Variants in ASAP1 observed in about 807,000 individuals in gnomAD.
ASAP1 encodes the protein arf-GAP with SH3 domain, ANK repeat and PH domain-containing protein 1.
Under a neutral mutation model 145.2 loss-of-function variants are expected in ASAP1, and 43 were observed. The ratio of observed to expected loss-of-function variants is 0.30; its 90% CI spans 0.23 to 0.38. ASAP1 has a LOEUF of 0.38. Ranked by LOEUF, ASAP1 falls within the 10% of genes least tolerant of loss-of-function variation. The pLI, the probability that ASAP1 is intolerant of heterozygous loss-of-function variation, is 1.00. For synonymous variants in ASAP1, 546 were observed against 515.5 expected (o/e 1.06, Z -0.80); for missense variants, 1,018 against 1,355.3 (o/e 0.75, Z 3.91).
intron 4 of ASAP1, among the ~76,000 whole-genome samples, chr8:130,234,744 A>ATTTT (rs1818111475): frequency 6.7e-6 from 1 of 148,220 alleles, no homozygotes; most frequent in Non-Finnish European, 1.5e-5. Flanking sequence ...GTGGCTGTAA[A>ATTTT]GCAAGGGTCT....
intron 5 of ASAP1, among the ~76,000 whole-genome samples, chr8:130,191,899 C>T (rs543970379): frequency 6.6e-6 from 1 of 152,010 alleles, no homozygotes; most frequent in Non-Finnish European, 1.5e-5. Context: ...TCTTCCTAAC[C>T]CTTTCCTGTT....
chr8:130,164,423 T>A (rs952275932), intron 11 of ASAP1, among the ~76,000 whole-genome samples: 10 of 152,096 alleles, frequency 6.6e-5, no homozygotes, highest in African/African-American at 2.4e-4. Flanking sequence ...AACCCCGGTC[T>A]CTACTAAAAA....
chr8:130,359,840 G>GTC (rs1826623777), intron 2 of ASAP1, among the ~76,000 whole-genome samples: 1 of 151,286 alleles, frequency 6.6e-6, no homozygotes, highest in South Asian at 2.1e-4. Context: ...AGCCAGGATG[G>GTC]TCTCGATCTC....
chr8:130,431,744 G>A (rs2138783746), intron 1 of ASAP1, among the ~76,000 whole-genome samples: 1 of 151,968 alleles, frequency 6.6e-6, no homozygotes, highest in Non-Finnish European at 1.5e-5. Context: ...GAGGTTCCAG[G>A]ATAGCAGAGT....
intron 3 of ASAP1, among the ~76,000 whole-genome samples, chr8:130,348,700 C>G (rs1825831061): frequency 6.6e-6 from 1 of 152,166 alleles, no homozygotes; most frequent in African/African-American, 2.4e-5. Flanking sequence ...GGAGAGATCT[C>G]TTTTGCTTTA....
intron 4 of ASAP1, among the ~76,000 whole-genome samples, chr8:130,229,342 G>T (rs914001665): frequency 6.6e-6 from 1 of 152,138 alleles, no homozygotes; most frequent in Non-Finnish European, 1.5e-5. Flanking sequence ...GTTTTCAGAG[G>T]GCAGATTCTT....
intron 18 of ASAP1, among the ~76,000 whole-genome samples, chr8:130,121,642 G>C (rs1299279628): frequency 1.3e-5 from 2 of 151,882 alleles, no homozygotes; most frequent in Non-Finnish European, 2.9e-5. Flanking sequence ...AAACTAGTCG[G>C]GCATAGTGGC....
rs532745623 is a variant in ASAP1, at chr8:130,434,771, C to T, written c.-28+8689G>A. Among the ~76,000 whole-genome samples the T allele has an allele frequency of 5.3e-5, 8 of 152,222 alleles. No homozygotes were observed. In the East Asian group the frequency reaches 7.7e-4, roughly 15 times the overall value. ...TCCATCCCAGAACGGCTCTCTGTGA[C>T]GGCTCGGCCCATATTGATGAGGTCC... is the stretch of plus-strand genomic sequence containing the variant. On this transcript the variant is annotated intron_variant, in intron 1 of 29. Transcript: ENST00000518721.
chr8:130,353,427 G>C (rs1299550908), intron 3 of ASAP1, among the ~76,000 whole-genome samples: 2 of 152,192 alleles, frequency 1.3e-5, no homozygotes, highest in Admixed American at 1.3e-4. Flanking sequence ...GAAACACTAA[G>C]CCTCCAAGGA....
chr8:130,213,246 G>A (rs529795845), intron 5 of ASAP1, among the ~76,000 whole-genome samples: 2 of 152,218 alleles, frequency 1.3e-5, no homozygotes, highest in East Asian at 3.9e-4. Flanking sequence ...TTCTATGTTC[G>A]ATATTTATTT....
At chr8:130,260,037 C>T (rs1320184367) in intron 3 of ASAP1, among the ~76,000 whole-genome samples, 2 of 151,842 alleles carry the variant, frequency 1.3e-5, no homozygotes, top group African/African-American at 4.8e-5. Flanking sequence ...TTGAAAAGAA[C>T]AAAAAAGGAC....
At chr8:130,361,760 A>G in intron 2 of ASAP1, 2 of 1,534,452 alleles carry the variant, frequency 1.3e-6, no homozygotes, top group Non-Finnish European at 1.7e-6. Context: ...TCTGAAAATC[A>G]TTCCTGGATA....
chr8:130,438,363 G>A (rs570312265), intron 1 of ASAP1, among the ~76,000 whole-genome samples: 15 of 152,244 alleles, frequency 9.9e-5, no homozygotes, highest in East Asian at 1.9e-4. Flanking sequence ...TGTCCTAATC[G>A]AACCACACAC....
At chr8:130,076,121 A>G (rs2097461806) in intron 27 of ASAP1, among the ~76,000 whole-genome samples, 1 of 152,188 alleles carries the variant, frequency 6.6e-6, no homozygotes, top group Non-Finnish European at 1.5e-5. Context: ...AATGTCTACA[A>G]AATTATTATG....
At chr8:130,434,184 C>T (rs1830229059) in intron 1 of ASAP1, among the ~76,000 whole-genome samples, 1 of 152,236 alleles carries the variant, frequency 6.6e-6, no homozygotes, top group Non-Finnish European at 1.5e-5. Flanking sequence ...TGCCTGGTGG[C>T]GCACACCTGT....
intron 12 of ASAP1, among the ~76,000 whole-genome samples, chr8:130,156,910 G>A (rs537512314): frequency 2.6e-5 from 4 of 152,276 alleles, no homozygotes; most frequent in Admixed American, 2.0e-4. Flanking sequence ...GATTTTAACC[G>A]TTTCACTTAG....
At chr8:130,083,064 C>T (rs1474644506) in intron 25 of ASAP1, 1 of 152,188 alleles carries the variant, frequency 6.6e-6, no homozygotes, top group Non-Finnish European at 1.5e-5. Flanking sequence ...GTTGCATGTG[C>T]TATACATGAG....
intron 7 of ASAP1, among the ~76,000 whole-genome samples, chr8:130,182,831 C>CAAAAAAAAA (rs35195899): frequency 1.4e-5 from 1 of 73,596 alleles, no homozygotes; most frequent in East Asian, 3.5e-4. Flanking sequence ...TATAAAAAGG[C>CAAAAAAAAA]AAAAAAAAAA....
chr8:130,236,904 T>A lies in ASAP1; in HGVS notation c.259+18A>T. The A allele has an allele frequency of 6.6e-7, 1 of 1,512,328 alleles. No homozygotes were observed. Among genetic ancestry groups the A allele is most frequent in the South Asian group, 1.2e-5 (1 of 80,848 alleles). The allele number at this position is 1,512,328 out of a possible 1,614,324, so 93.7% of individuals were successfully genotyped here. A position where few individuals can be genotyped will look rare whatever the true frequency, so the allele number is the denominator to read the frequency against. On this transcript the variant is annotated intron_variant, in intron 4 of 29. Transcript: ENST00000518721. ...ATTATTTATAATTCATGTTACCTCA[T>A]TTTTAGTAAGTGCTTACCTTGACCA...
Sources: allele counts gnomAD v4.1 joint callset (sites outside exome capture counted in the v4.1 genomes callset), GRCh38; gene constraint gnomAD v4.1.1; transcripts MANE v1.5; gene names NCBI Gene and HGNC (gene_info 2026-07-23, HGNC 2026-07-21).